The following NIM1K variants were observed in gnomAD, a reference collection of about 807,000 sequenced individuals.
NIM1K encodes the protein NIM1 serine/threonine protein kinase.
A neutral mutation model predicts 37.1 loss-of-function variants in NIM1K; 35 were observed. The ratio of observed to expected loss-of-function variants is 0.94; its 90% CI spans 0.72 to 1.25. The LOEUF (loss-of-function observed/expected upper bound fraction) is 1.25, where lower values mean the gene tolerates loss of function less well. NIM1K is among the 50% of genes most tolerant of loss of function. NIM1K has a pLI of 0.00. For synonymous variants in NIM1K, 234 were observed against 206.6 expected, an observed-to-expected ratio of 1.13 and a Z score of -1.14; for missense variants, 564 against 548.0, an observed-to-expected ratio of 1.03 and a Z score of -0.29.
In NIM1K at chr5:43,280,735, A is replaced by G; in HGVS notation, c.*6A>G. 1.9e-6 allele frequency: 3 copies of G among 1,584,700 alleles called. No individual in the cohort carries two copies. Among genetic ancestry groups the G allele is most frequent in the Non-Finnish European group, 2.6e-6 (3 of 1,169,040 alleles). ...AATTTTGCTCGATTTTATAAATTGCACTAGACTGCTTGTAACTAACCAAGA... is the reference window on the plus strand; with the variant it reads ...AATTTTGCTCGATTTTATAAATTGCGCTAGACTGCTTGTAACTAACCAAGA... On this transcript the variant is annotated 3_prime_UTR_variant, in exon 4 of 4. Transcript: ENST00000326035.
chr5:43,206,626 G>T (rs13153462), intron 1 of NIM1K: 259,375 of 656,964 alleles, frequency 0.39, 54,172 homozygotes, highest in Non-Finnish European at 0.44. Context: ...CTGGTGCAGC[G>T]CACTCCCTGC....
At chr5:43,259,803 A>G (rs561559000) in intron 2 of NIM1K, among the ~76,000 whole-genome samples, 2 of 151,994 alleles carry the variant, frequency 1.3e-5, no homozygotes, top group South Asian at 4.1e-4. Flanking sequence ...GGTCCCATTT[A>G]TTTATTTTTG....
At chr5:43,220,528 G>A (rs761506673) in intron 1 of NIM1K, among the ~76,000 whole-genome samples, 35 of 152,042 alleles carry the variant, frequency 2.3e-4, no homozygotes, top group Middle Eastern at 6.8e-3. Context: ...TGATCCGCCC[G>A]CCTTGGCCTT....
chr5:43,228,399 G>T (rs186579310), intron 1 of NIM1K, among the ~76,000 whole-genome samples: 13 of 152,070 alleles, frequency 8.5e-5, no homozygotes, highest in African/African-American at 3.1e-4. Flanking sequence ...GCCCACCTCA[G>T]CCTCCCAAAG....
At chr5:43,236,081 C>T (rs1179706027) in intron 1 of NIM1K, among the ~76,000 whole-genome samples, 1 of 152,012 alleles carries the variant, frequency 6.6e-6, no homozygotes, top group Non-Finnish European at 1.5e-5. Context: ...TGCAGATCAG[C>T]CTGGACAACA....
intron 1 of NIM1K, chr5:43,194,967 A>C (rs1751890930): frequency 6.6e-6 from 1 of 152,192 alleles, no homozygotes; most frequent in East Asian, 1.9e-4. Context: ...ATATAGTTTC[A>C]TTTTGAGAAA....
At chr5:43,227,912 T>C (rs1242583770) in intron 1 of NIM1K, among the ~76,000 whole-genome samples, 1 of 152,116 alleles carries the variant, frequency 6.6e-6, no homozygotes, top group Non-Finnish European at 1.5e-5. Flanking sequence ...TCCAACATTC[T>C]CACTTGCCAG....
intron 2 of NIM1K, among the ~76,000 whole-genome samples, chr5:43,272,010 T>A (rs1395307135): frequency 6.6e-6 from 1 of 152,236 alleles, no homozygotes; most frequent in Non-Finnish European, 1.5e-5. Context: ...TGGTTCATTT[T>A]TATTGCTGAG....
At chr5:43,256,665 T>C (rs1435621118) in intron 2 of NIM1K, among the ~76,000 whole-genome samples, 3 of 152,214 alleles carry the variant, frequency 2.0e-5, no homozygotes, top group Non-Finnish European at 4.4e-5. Flanking sequence ...GGGCTTTCTC[T>C]AGCCATTGGA....
chr5:43,243,848 C>A (rs1173603348), intron 1 of NIM1K, among the ~76,000 whole-genome samples: 2 of 151,996 alleles, frequency 1.3e-5, no homozygotes, highest in East Asian at 3.9e-4. Context: ...GGTACACCAC[C>A]ACACCCTGCT....
chr5:43,244,001 C>T (rs906759506), intron 1 of NIM1K, among the ~76,000 whole-genome samples: 3 of 152,230 alleles, frequency 2.0e-5, no homozygotes, highest in African/African-American at 7.2e-5. Context: ...CATCCTTCTT[C>T]CAGATTCCTT....
intron 2 of NIM1K, among the ~76,000 whole-genome samples, chr5:43,250,420 T>C (rs554347377): frequency 2.2e-4 from 33 of 152,362 alleles, no homozygotes; most frequent in African/African-American, 7.2e-4. Context: ...ACAGAGATTA[T>C]TCTTTTCCAT....
intron 1 of NIM1K, among the ~76,000 whole-genome samples, chr5:43,236,889 C>CT (rs1752629566): frequency 5.9e-5 from 9 of 152,192 alleles, no homozygotes; most frequent in Admixed American, 5.9e-4. Flanking sequence ...ATACTGACTG[C>CT]TTTTCTATTT....
rs775563544 is a variant in NIM1K at position 43,245,815 on chromosome 5, C to A, written c.40C>A (p.Pro14Thr). The part of the protein sequence containing the change: ...VYMNGGGLVN[P>T]HYARWDRRDS... ...TATGAATGGAGGTGGCCTGGTGAACCCCCACTATGCCCGGTGGGATCGGCG... is the reference window on the plus strand; with the variant it reads ...TATGAATGGAGGTGGCCTGGTGAACACCCACTATGCCCGGTGGGATCGGCG... Residue 14 changes from proline to threonine, a missense_variant, in exon 2 of 4, where the codon CCC becomes ACC. Coordinates refer to ENST00000326035, the MANE Select transcript of NIM1K (RefSeq NM_153361.4). The A allele has an allele frequency of 1.2e-6, 2 of 1,611,944 alleles. No individual in the cohort carries two copies. The highest frequency in any genetic ancestry group is 1.7e-6 in the Non-Finnish European group (2 of 1,178,706).
chr5:43,231,565 G>T (rs2112243457), intron 1 of NIM1K, among the ~76,000 whole-genome samples: 1 of 152,126 alleles, frequency 6.6e-6, no homozygotes, highest in East Asian at 1.9e-4. Flanking sequence ...TATTCTGTTA[G>T]TTCAGATTGT....
At chr5:43,270,532 G>A (rs1579612154) in intron 2 of NIM1K, among the ~76,000 whole-genome samples, 1 of 152,316 alleles carries the variant, frequency 6.6e-6, no homozygotes, top group African/African-American at 2.4e-5. Flanking sequence ...CTGTGAATGA[G>A]GAGTGGAAGA....
chr5:43,221,824 C>A (rs1392605379), intron 1 of NIM1K, among the ~76,000 whole-genome samples: 1 of 152,208 alleles, frequency 6.6e-6, no homozygotes, highest in African/African-American at 2.4e-5. Flanking sequence ...ACAGAGAAAC[C>A]ATTAGGCTGA....
intron 1 of NIM1K, among the ~76,000 whole-genome samples, chr5:43,209,619 A>C (rs764862358): frequency 2.0e-5 from 3 of 149,326 alleles, no homozygotes; most frequent in Non-Finnish European, 3.0e-5. Context: ...ATTTTATTTT[A>C]TTTCTTTTGT....
chr5:43,272,778 A>G (rs1479079924), intron 2 of NIM1K, among the ~76,000 whole-genome samples: 1 of 152,144 alleles, frequency 6.6e-6, no homozygotes, highest in Non-Finnish European at 1.5e-5. Flanking sequence ...ATAAAGTTTC[A>G]GATGTCTGGC....
Sources: allele counts gnomAD v4.1 joint callset (sites outside exome capture counted in the v4.1 genomes callset), GRCh38; gene constraint gnomAD v4.1.1; transcripts MANE v1.5; gene names NCBI Gene and HGNC (gene_info 2026-07-23, HGNC 2026-07-21).